The following GRIP1 variants were observed in gnomAD, a reference collection of about 807,000 sequenced individuals.
The protein encoded by GRIP1 is glutamate receptor-interacting protein 1.
GRIP1 carries 45 observed loss-of-function variants against 129.9 expected under a neutral mutation model. The observed-to-expected ratio is 0.35, with a 90% CI of 0.27 to 0.44. The LOEUF (loss-of-function observed/expected upper bound fraction) is 0.44, where lower values mean the gene tolerates loss of function less well. Among genes scored for constraint, GRIP1 ranks in the 20% least tolerant of loss-of-function variants. The pLI is 1.00. For missense variants in GRIP1, 1,196 were observed against 1,396.8 expected, an observed-to-expected ratio of 0.86 and a Z score of 2.29; for synonymous variants, 530 against 520.8, an observed-to-expected ratio of 1.02 and a Z score of -0.24.
chr12:66,451,246 C>T (rs1245680873), intron 11 of GRIP1, among the ~76,000 whole-genome samples: 1 of 151,556 alleles, frequency 6.6e-6, no homozygotes, highest in African/African-American at 2.4e-5. Flanking sequence ...GCAGGGGGAG[C>T]CAAAAACACC....
chr12:66,948,530 G>A (rs2041706697), intron 1 of GRIP1, among the ~76,000 whole-genome samples: 1 of 152,152 alleles, frequency 6.6e-6, no homozygotes, highest in African/African-American at 2.4e-5. Context: ...AAGATTATGA[G>A]CTGCTTCTTC....
In GRIP1 at chr12:66,638,008, G is replaced by T. The variant is rs191908232; in HGVS notation, c.55+40842C>A. On this transcript the variant is annotated intron_variant, in intron 1 of 24. Transcript: ENST00000359742. ...GTGAACACTAAAAATTCTTTTGTACGCTGTCAGCCAAGACTCCACATGGTG... is the reference window on the plus strand; with the variant it reads ...GTGAACACTAAAAATTCTTTTGTACTCTGTCAGCCAAGACTCCACATGGTG... 2.7e-3 allele frequency among the ~76,000 whole-genome samples: 416 copies of T among 152,268 alleles called. 4 individuals are homozygous for T. Among genetic ancestry groups the T allele is most frequent in the African/African-American group, 9.5e-3 (394 of 41,558 alleles).
At chr12:67,057,386 C>A (rs893194683) in intron 1 of GRIP1, among the ~76,000 whole-genome samples, 32 of 151,166 alleles carry the variant, frequency 2.1e-4, no homozygotes, top group African/African-American at 7.6e-4. Flanking sequence ...AAAGGTAAAG[C>A]CCTCCAGGAA....
At chr12:66,653,346 G>A (rs763543124) in intron 1 of GRIP1, among the ~76,000 whole-genome samples, 1 of 152,138 alleles carries the variant, frequency 6.6e-6, no homozygotes, top group Non-Finnish European at 1.5e-5. Context: ...CCTGTAAGCT[G>A]AACAGCTCAC....
intron 1 of GRIP1, among the ~76,000 whole-genome samples, chr12:66,940,119 AC>A (rs762375238): frequency 5.6e-4 from 85 of 152,214 alleles, no homozygotes; most frequent in Non-Finnish European, 1.1e-3. Context: ...TGGCACCACA[AC>A]AAAGGTGAGG....
intron 1 of GRIP1, among the ~76,000 whole-genome samples, chr12:66,723,283 C>CCTTCCTTCCTTCCTTT (rs2036136784): frequency 1.3e-4 from 4 of 29,632 alleles, no homozygotes; most frequent in Non-Finnish European, 2.3e-4. Flanking sequence ...TTCCTTCCTT[C>CCTTCCTTCCTTCCTTT]CTTTCTTTCT....
chr12:66,588,251 C>T (rs796781981), intron 2 of GRIP1, among the ~76,000 whole-genome samples: 5 of 152,144 alleles, frequency 3.3e-5, no homozygotes, highest in African/African-American at 7.2e-5. Flanking sequence ...GTGTATGGAA[C>T]GAACTGTAAC....
At chr12:66,792,420 T>C (rs2038569699) in intron 1 of GRIP1, among the ~76,000 whole-genome samples, 1 of 152,056 alleles carries the variant, frequency 6.6e-6, no homozygotes, top group Non-Finnish European at 1.5e-5. Context: ...TTTAAAATTT[T>C]TTGTAGGAGC....
intron 1 of GRIP1, among the ~76,000 whole-genome samples, chr12:66,739,792 C>T (rs919341690): frequency 7.3e-5 from 11 of 151,446 alleles, no homozygotes; most frequent in African/African-American, 2.7e-4. Flanking sequence ...CTCTTTCTAA[C>T]CTGAAACCCA....
chr12:66,778,453 GCATATAAGATACTTGCTA>G (rs1435174243), intron 1 of GRIP1, among the ~76,000 whole-genome samples: 2 of 152,130 alleles, frequency 1.3e-5, no homozygotes, highest in African/African-American at 4.8e-5. Flanking sequence ...GGAGATAAAT[GCATATAAGATACTTGCTA>G]CATAAACGTA....
chr12:66,683,421 A>G (rs1432745427), upstream of GRIP1, among the ~76,000 whole-genome samples: 2 of 152,092 alleles, frequency 1.3e-5, no homozygotes, highest in African/African-American at 4.8e-5. Flanking sequence ...GCAAGACCCA[A>G]TTTGCTGACA....
intron 1 of GRIP1, among the ~76,000 whole-genome samples, chr12:67,055,066 C>T (rs934540435): frequency 7.2e-5 from 11 of 152,072 alleles, no homozygotes; most frequent in African/African-American, 2.7e-4. Context: ...GGACTAGGTT[C>T]AAGAGAGAAT....
chr12:66,518,027 A>T (rs568043353), intron 5 of GRIP1, 51 bp from the exon 6 acceptor site: 41 of 962,554 alleles, frequency 4.3e-5, no homozygotes, highest in African/African-American at 2.9e-4. Context: ...GTTGGCATTT[A>T]AAAAAAATCA....
At chr12:66,416,800 A>G (rs559576503) in intron 15 of GRIP1, among the ~76,000 whole-genome samples, 1 of 152,202 alleles carries the variant, frequency 6.6e-6, no homozygotes, top group African/African-American at 2.4e-5. Context: ...TGGGACCCAA[A>G]GGCTTCACTG....
chr12:66,604,736 G>A (rs1166651537), intron 1 of GRIP1, among the ~76,000 whole-genome samples: 1 of 152,080 alleles, frequency 6.6e-6, no homozygotes, highest in East Asian at 1.9e-4. Flanking sequence ...TCTCTCATAG[G>A]TTCAATAAGT....
At chr12:66,900,148 A>G (rs1365975251) in intron 1 of GRIP1, among the ~76,000 whole-genome samples, 1 of 152,200 alleles carries the variant, frequency 6.6e-6, no homozygotes, top group Non-Finnish European at 1.5e-5. Context: ...ACAGTCATGG[A>G]AAAGGTAAAG....
intron 1 of GRIP1, among the ~76,000 whole-genome samples, chr12:66,723,271 C>T (rs1200283711): frequency 0.046 from 483 of 10,506 alleles, 46 homozygotes; most frequent in African/African-American, 0.18. Context: ...TTCCTTCCTT[C>T]CTTCCTTCCT....
At chr12:66,773,829 GTCTTT>G (rs1167334615) in intron 1 of GRIP1, among the ~76,000 whole-genome samples, 3 of 152,132 alleles carry the variant, frequency 2.0e-5, no homozygotes, top group African/African-American at 7.2e-5. Context: ...TTTTTGGCAT[GTCTTT>G]TCTTTATCAA....
At chr12:66,680,728 T>C (rs2034552208), upstream of GRIP1, among the ~76,000 whole-genome samples, 1 of 152,158 alleles carries the variant, frequency 6.6e-6, no homozygotes, top group African/African-American at 2.4e-5. Flanking sequence ...CTTTCCAAGA[T>C]TCTTCTCCAA....
Sources: gnomAD v4.1 joint callset for allele counts (sites outside exome capture counted in the v4.1 genomes callset) on GRCh38, gnomAD v4.1.1 for gene constraint, MANE v1.5 for transcripts, NCBI Gene and HGNC (gene_info 2026-07-23, HGNC 2026-07-21) for gene names.